The following SDK2 variants were observed in gnomAD, a reference collection of about 807,000 sequenced individuals.
SDK2 encodes the protein sidekick cell adhesion molecule 2, also known as protein sidekick-2.
Under a neutral mutation model 253.9 loss-of-function variants are expected in SDK2, and 105 were observed. That is an observed-to-expected ratio of 0.41 (90% confidence interval 0.35 to 0.49). SDK2 has a LOEUF of 0.49. SDK2 is among the 20% of genes least tolerant of loss of function. The pLI, the probability that SDK2 is intolerant of heterozygous loss-of-function variation, is 0.06. For missense variants in SDK2, 2,608 were observed against 3,003.0 expected, an observed-to-expected ratio of 0.87 and a Z score of 3.07; for synonymous variants, 1,249 against 1,234.9, an observed-to-expected ratio of 1.01 and a Z score of -0.24.
intron 2 of SDK2, among the ~76,000 whole-genome samples, chr17:73,473,865 C>T (rs1360511936): frequency 6.6e-6 from 1 of 151,944 alleles, no homozygotes; most frequent in East Asian, 1.9e-4. Context: ...CAGGCAACAA[C>T]AACAAAAACA....
intron 28 of SDK2, among the ~76,000 whole-genome samples, chr17:73,390,933 GC>G (rs2062923168): frequency 6.6e-6 from 1 of 152,232 alleles, no homozygotes; most frequent in African/African-American, 2.4e-5. Flanking sequence ...GGTAGTCCAA[GC>G]CCCCATTTTA....
intron 1 of SDK2, among the ~76,000 whole-genome samples, chr17:73,615,303 T>C (rs1051616728): frequency 6.6e-6 from 1 of 152,218 alleles, no homozygotes. Context: ...GGCCCCTGAA[T>C]TGGCCACTAG....
chr17:73,582,284 G>A (rs112994491), intron 1 of SDK2, among the ~76,000 whole-genome samples: 1,340 of 101,584 alleles, frequency 0.013, 14 homozygotes, highest in African/African-American at 0.025. Context: ...ATTTGGGGGC[G>A]CACACCACGC....
chr17:73,623,124 C>A (rs2046154402), intron 1 of SDK2, among the ~76,000 whole-genome samples: 1 of 152,230 alleles, frequency 6.6e-6, no homozygotes, highest in African/African-American at 2.4e-5. Flanking sequence ...GAAGGTATTT[C>A]TTCCCCATTG....
intron 36 of SDK2, among the ~76,000 whole-genome samples, chr17:73,377,996 G>C (rs976982540): frequency 2.6e-5 from 4 of 152,178 alleles, no homozygotes; most frequent in Non-Finnish European, 5.9e-5. Context: ...TATCCTCCCA[G>C]CTTCGTGGGC....
intron 1 of SDK2, among the ~76,000 whole-genome samples, chr17:73,576,541 T>G (rs1401937139): frequency 2.6e-5 from 4 of 152,148 alleles, no homozygotes; most frequent in Admixed American, 6.5e-5. Context: ...TGGAGTTCCA[T>G]GAGAGAGGGT....
At chr17:73,603,414 G>T (rs1263053268) in intron 1 of SDK2, among the ~76,000 whole-genome samples, 1 of 152,198 alleles carries the variant, frequency 6.6e-6, no homozygotes, top group Non-Finnish European at 1.5e-5. Flanking sequence ...ATTCAAAAAT[G>T]CTCTGGGCAT....
rs140171388 is a variant in SDK2 at position 73,625,860 on chromosome 17, G to C, written c.64+18165C>G. On this transcript the variant is annotated intron_variant, in intron 1 of 44. Coordinates refer to ENST00000392650, the MANE Select transcript of SDK2 (RefSeq NM_001144952.2). Reference sequence around the variant, plus strand: ...GGATTTTGTCATATTGGCCAGGCTGGTCTTGAACTCCTGACCTCAGGTGAT... The same window carrying C: ...GGATTTTGTCATATTGGCCAGGCTGCTCTTGAACTCCTGACCTCAGGTGAT... 5.9e-5 allele frequency among the ~76,000 whole-genome samples: 9 copies of C among 152,234 alleles called. No individual in the cohort carries two copies. In the East Asian group the frequency reaches 1.7e-3, roughly 29 times the overall value.
chr17:73,365,593 A>G (rs932821474), intron 37 of SDK2, among the ~76,000 whole-genome samples, 198 bp from the exon 38 acceptor site: 9 of 152,082 alleles, frequency 5.9e-5, no homozygotes, highest in Non-Finnish European at 1.2e-4. Flanking sequence ...ACTTTCCAGT[A>G]TCAGAGTCCT....
chr17:73,562,748 C>T (rs898809231), intron 1 of SDK2, among the ~76,000 whole-genome samples: 2 of 152,184 alleles, frequency 1.3e-5, no homozygotes, highest in Admixed American at 6.5e-5. Flanking sequence ...AGAAAAATTA[C>T]CAGCAAGGCA....
At chr17:73,416,199 AT>A (rs55713710) in intron 16 of SDK2, among the ~76,000 whole-genome samples, 8 of 120,312 alleles carry the variant, frequency 6.6e-5, no homozygotes, top group African/African-American at 2.5e-4. Context: ...AATGAATTCA[AT>A]TTTTTTTTTT....
intron 18 of SDK2, 71 bp from the exon 19 acceptor site, chr17:73,402,212 G>T (rs563000067): frequency 3.3e-6 from 5 of 1,497,396 alleles, no homozygotes; most frequent in Non-Finnish European, 4.6e-6. Flanking sequence ...TCTCCCACAG[G>T]CTGGGCCAAT....
chr17:73,356,315 G>T (rs1420254992), intron 40 of SDK2, among the ~76,000 whole-genome samples: 1 of 152,194 alleles, frequency 6.6e-6, no homozygotes, highest in Non-Finnish European at 1.5e-5. Context: ...CAGGGACAAA[G>T]GGTGGGGCTG....
At chr17:73,341,045 GTT>G (rs10541030) in intron 44 of SDK2, among the ~76,000 whole-genome samples, 4,720 of 131,662 alleles carry the variant, frequency 0.036, 142 homozygotes, top group African/African-American at 0.086. Context: ...CGGCTGGTCT[GTT>G]TTTTTTTTTT....
rs369725380 is a variant in SDK2, at chr17:73,387,952, G to A, written c.4278C>T (p.Ser1426=). ...AGTAGCGCACAGGGGAGAGCCCGTCGCTCCCTGGCTCCCAGGACAGCAGCA... is the reference window on the plus strand; with the variant it reads ...AGTAGCGCACAGGGGAGAGCCCGTCACTCCCTGGCTCCCAGGACAGCAGCA... ...RSVLLSWEPG[S]DGLSPVRYYT... Residue 1426 remains serine (S), a synonymous_variant, in exon 30 of 45, where the codon AGC becomes AGT. Coordinates refer to ENST00000392650, the MANE Select transcript of SDK2 (RefSeq NM_001144952.2). The A allele has an allele frequency of 2.2e-5, 35 of 1,574,468 alleles. No homozygotes were observed. The highest frequency in any genetic ancestry group is 7.0e-5 in the South Asian group (6 of 85,586).
intron 2 of SDK2, among the ~76,000 whole-genome samples, chr17:73,491,497 C>G (rs1199113721): frequency 2.0e-5 from 3 of 152,018 alleles, no homozygotes; most frequent in Non-Finnish European, 4.4e-5. Context: ...CTCAACCTCT[C>G]AAGGAACTGG....
Position 73,380,961 on chromosome 17 carries a change from G to A in SDK2, c.4706-11C>T. On this transcript the variant is annotated splice_polypyrimidine_tract_variant and intron_variant, in intron 33 of 44. Transcript: ENST00000392650. ...GCATGGAGTACATGGCTATGGGGTG[G>A]GGGTGCCGGGGCGGGGGCGCAGAGG... 6.6e-7 allele frequency: 1 copy of A among 1,512,028 alleles called. No homozygotes were observed. The highest frequency in any genetic ancestry group is 9.0e-7 in the Non-Finnish European group (1 of 1,109,870). The allele number at this position is 1,512,028 out of a possible 1,614,324, so 93.7% of individuals were successfully genotyped here.
chr17:73,394,632 G>A (rs1426616528), intron 25 of SDK2, among the ~76,000 whole-genome samples: 1 of 152,202 alleles, frequency 6.6e-6, no homozygotes, highest in Non-Finnish European at 1.5e-5. Context: ...GACCAGGGTG[G>A]CCCAGGAGAG....
At chr17:73,442,788 A>T (rs1018442479) in intron 5 of SDK2, among the ~76,000 whole-genome samples, 15 of 152,068 alleles carry the variant, frequency 9.9e-5, no homozygotes, top group African/African-American at 3.6e-4. Flanking sequence ...GATTGAAATG[A>T]ACAAGAACTT....
Sources: gnomAD v4.1 joint callset for allele counts (sites outside exome capture counted in the v4.1 genomes callset) on GRCh38, gnomAD v4.1.1 for gene constraint, MANE v1.5 for transcripts, NCBI Gene and HGNC (gene_info 2026-07-23, HGNC 2026-07-21) for gene names.